Variants in CLDN10 observed in about 807,000 individuals in gnomAD.
The protein encoded by CLDN10 is claudin 10, also known as claudin-10.
Under a neutral mutation model 22.9 loss-of-function variants are expected in CLDN10, and 15 were observed. The observed-to-expected ratio is 0.65, with a 90% CI of 0.44 to 1.01. The LOEUF (loss-of-function observed/expected upper bound fraction) is 1.01. Ranked by LOEUF, CLDN10 falls within the 50% of genes least tolerant of loss-of-function variation. The probability of loss-of-function intolerance (pLI) is 0.00; values close to 1 mark genes in which losing one functional copy is unlikely to be tolerated. For missense variants in CLDN10, 247 were observed against 287.8 expected (o/e 0.86, Z 1.03); for synonymous variants, 114 against 111.4 (o/e 1.02, Z -0.15).
At chr13:95,565,954 C>CTCATCCTT (rs1555300445) in intron 3 of CLDN10, among the ~76,000 whole-genome samples, 1 of 152,134 alleles carries the variant, frequency 6.6e-6, no homozygotes, top group Non-Finnish European at 1.5e-5. Flanking sequence ...AGGACATGAA[C>CTCATCCTT]TCATCCTTTT....
At chr13:95,433,767 A>G (rs1309266057) in exon 1 of CLDN10, 1 of 1,543,280 alleles carries the variant, frequency 6.5e-7, no homozygotes, top group Non-Finnish European at 8.9e-7. Context: ...AGTGTTCTCT[A>G]TCGGCTGCAT....
At chr13:95,554,316 A>G (rs1223950485) in intron 1 of CLDN10, among the ~76,000 whole-genome samples, 1 of 152,040 alleles carries the variant, frequency 6.6e-6, no homozygotes, top group Admixed American at 6.5e-5. Context: ...TCCTCTGAAC[A>G]CTCTTCTGTT....
chr13:95,566,326 C>T (rs2043787437), intron 3 of CLDN10, among the ~76,000 whole-genome samples: 1 of 152,160 alleles, frequency 6.6e-6, no homozygotes, highest in Non-Finnish European at 1.5e-5. Context: ...TTCTAACTGG[C>T]ATGGATGGTA....
chr13:95,434,640 A>G (rs2042248845), intron 1 of CLDN10, among the ~76,000 whole-genome samples: 2 of 149,120 alleles, frequency 1.3e-5, no homozygotes, highest in African/African-American at 5.2e-5. Context: ...ATGCACACAC[A>G]TATGTAACAC....
At chr13:95,576,498 T>A (rs149759827) in intron 3 of CLDN10, among the ~76,000 whole-genome samples, 100 of 152,328 alleles carry the variant, frequency 6.6e-4, no homozygotes, top group African/African-American at 2.3e-3. Context: ...GGTGTACTTT[T>A]CTCATTCCTT....
intron 1 of CLDN10, among the ~76,000 whole-genome samples, chr13:95,488,268 A>G (rs1392709654): frequency 6.6e-6 from 1 of 151,352 alleles, no homozygotes; most frequent in East Asian, 1.9e-4. Context: ...AGAAAGATGC[A>G]ATTGGTGGAA....
chr13:95,487,966 C>T (rs1326344555), intron 1 of CLDN10, among the ~76,000 whole-genome samples: 1 of 147,050 alleles, frequency 6.8e-6, no homozygotes, highest in Non-Finnish European at 1.5e-5. Context: ...GCATGAGCCA[C>T]TGAGCCTGGC....
At chr13:95,558,391 C>T (rs886474737) in intron 1 of CLDN10, among the ~76,000 whole-genome samples, 7 of 152,182 alleles carry the variant, frequency 4.6e-5, no homozygotes, top group African/African-American at 1.7e-4. Flanking sequence ...ATGAAAGAAG[C>T]CTTCATTATC....
intron 4 of CLDN10, 69 bp from the exon 5 acceptor site, chr13:95,577,831 C>A: frequency 1.1e-6 from 1 of 938,070 alleles, no homozygotes; most frequent in Non-Finnish European, 1.7e-6. Context: ...CAGGCCGAAA[C>A]AGTTTCTTCC....
chr13:95,515,828 G>T (rs1375584260), intron 1 of CLDN10, among the ~76,000 whole-genome samples: 1 of 152,064 alleles, frequency 6.6e-6, no homozygotes, highest in Non-Finnish European at 1.5e-5. Context: ...TGCCTACTTG[G>T]CTCCAAACTG....
At chr13:95,435,048 C>T (rs1018816403) in intron 1 of CLDN10, among the ~76,000 whole-genome samples, 2 of 152,150 alleles carry the variant, frequency 1.3e-5, no homozygotes, top group Admixed American at 6.5e-5. Context: ...AAGCTTTCAT[C>T]GTTGTGCATA....
chr13:95,494,911 C>G (rs1010707293), intron 1 of CLDN10, among the ~76,000 whole-genome samples: 3 of 151,996 alleles, frequency 2.0e-5, no homozygotes, highest in African/African-American at 7.2e-5. Flanking sequence ...CACCTTCTCC[C>G]CTCCACCCCT....
chr13:95,528,375 TC>T (rs1245562507), intron 1 of CLDN10: 1 of 152,276 alleles, frequency 6.6e-6, no homozygotes, highest in Admixed American at 6.5e-5. Context: ...ATGAGAGGCC[TC>T]CCCAGCCATG....
intron 1 of CLDN10, among the ~76,000 whole-genome samples, chr13:95,526,274 T>C (rs372524828): frequency 2.0e-5 from 3 of 152,324 alleles, no homozygotes; most frequent in Admixed American, 6.5e-5. Context: ...CAAGTTACTT[T>C]GTTTGTTCAT....
chr13:95,545,981 T>C lies in CLDN10; in HGVS notation c.215-14151T>C, dbSNP rs369892823. On this transcript the variant is annotated intron_variant, in intron 1 of 4. Coordinates refer to the CLDN10 transcript ENST00000376873. Reference sequence around the variant, plus strand: ...GTGTGTGTGGACTCAAAGAAAAATATTCCAGACCCAAACTAACACAGTGAG... The same window carrying C: ...GTGTGTGTGGACTCAAAGAAAAATACTCCAGACCCAAACTAACACAGTGAG... Among the ~76,000 whole-genome samples, 5 of 152,330 alleles carry C rather than the reference T, an allele frequency of 3.3e-5. No individual in the cohort carries two copies. In the South Asian group the frequency reaches 1.0e-3, roughly 32 times the overall value.
At position 95,552,897 on chromosome 13, in the gene CLDN10, C is replaced by G. The variant is rs759408749; in HGVS notation, c.144C>G (p.Asn48Lys). 6.2e-7 allele frequency: 1 copy of G among 1,614,168 alleles called. No individual in the cohort carries two copies. The highest frequency in any genetic ancestry group is 8.5e-7 in the Non-Finnish European group (1 of 1,180,016). ...TCACAACCGCCACCTATTGGGCCAA[C>G]CTGTGGAAGGCGTGCGTTACCGACT... Reference protein sequence around the residue: ...TVITTATYWANLWKACVTDST... With the variant: ...TVITTATYWAKLWKACVTDST... The change falls in exon 1 of 5, where the codon AAC (asparagine) becomes AAG (lysine). Residue 48 changes from asparagine (N) to lysine (K), a missense_variant. Asn to Lys is a moderately conservative substitution (Grantham distance 94). Transcript: ENST00000299339.
intron 1 of CLDN10, among the ~76,000 whole-genome samples, chr13:95,473,221 T>A (rs1267906195): frequency 1.3e-5 from 2 of 151,098 alleles, no homozygotes; most frequent in African/African-American, 4.9e-5. Flanking sequence ...AGAACTTCCG[T>A]GTGTATTACT....
chr13:95,433,997 C>T (rs1375647652), exon 1 of CLDN10: 2 of 1,614,036 alleles, frequency 1.2e-6, no homozygotes, highest in Non-Finnish European at 8.5e-7. Context: ...GCAGGTAACG[C>T]GTTGGGTTCT....
intron 1 of CLDN10, among the ~76,000 whole-genome samples, chr13:95,496,402 G>A (rs934478322): frequency 6.6e-6 from 1 of 152,178 alleles, no homozygotes; most frequent in African/African-American, 2.4e-5. Flanking sequence ...AGGCATCATT[G>A]GTCCTTTAAG....
Sources: gnomAD v4.1 joint callset for allele counts (sites outside exome capture counted in the v4.1 genomes callset) on GRCh38, gnomAD v4.1.1 for gene constraint, MANE v1.5 for transcripts, NCBI Gene and HGNC (gene_info 2026-07-23, HGNC 2026-07-21) for gene names.